WWOX: variants seen among roughly 807,000 people sequenced by gnomAD.
WWOX encodes the protein WW domain containing oxidoreductase.
In WWOX, 69 loss-of-function variants were observed where a neutral mutation model predicts 46.2. The observed-to-expected ratio is 1.49, with a 90% confidence interval of 1.23 to 1.82. The LOEUF (loss-of-function observed/expected upper bound fraction) is 1.82, where lower values mean the gene tolerates loss of function less well. Among genes scored for constraint, WWOX ranks in the 40% most tolerant of loss-of-function variants. WWOX has a pLI of 0.00. For synonymous variants in WWOX, 359 were observed against 202.6 expected, an observed-to-expected ratio of 1.77 and a Z score of -6.56; for missense variants, 919 against 542.6, an observed-to-expected ratio of 1.69 and a Z score of -6.89.
At chr16:79,182,728 A>G (rs540927916) in intron 8 of WWOX, among the ~76,000 whole-genome samples, 5 of 152,324 alleles carry the variant, frequency 3.3e-5, no homozygotes, top group African/African-American at 4.8e-5. Flanking sequence ...TGGGATAATT[A>G]TAGTTTTTAC....
chr16:78,930,093 C>G lies in WWOX; in HGVS notation c.1057-281515C>G, dbSNP rs553945003. On this transcript the variant is annotated intron_variant, in intron 8 of 8. Coordinates refer to ENST00000566780, the MANE Select transcript of WWOX (RefSeq NM_016373.4). ...AGCTTCTTGCCTTCTTCACACTCCT[C>G]CTTCCCTTCCTGCCGTCTGGGATGT... Among the ~76,000 whole-genome samples, 472 of 152,174 alleles carry G rather than the reference C, an allele frequency of 3.1e-3. 1 individual carries two copies. The highest frequency in any genetic ancestry group is 0.011 in the African/African-American group (439 of 41,520).
At chr16:78,887,714 G>T (rs891046613) in intron 8 of WWOX, among the ~76,000 whole-genome samples, 3 of 152,300 alleles carry the variant, frequency 2.0e-5, no homozygotes, top group East Asian at 3.9e-4. Flanking sequence ...TGGTTTTCCA[G>T]ATGTGACAAA....
At chr16:78,221,191 C>T (rs2036875444) in intron 5 of WWOX, among the ~76,000 whole-genome samples, 1 of 152,226 alleles carries the variant, frequency 6.6e-6, no homozygotes. Context: ...CTAATGTCCT[C>T]TGTATTAATT....
intron 8 of WWOX, among the ~76,000 whole-genome samples, chr16:78,474,558 C>T (rs1370230524): frequency 2.0e-5 from 3 of 152,152 alleles, no homozygotes; most frequent in Admixed American, 2.0e-4. Flanking sequence ...CCGTAAACTG[C>T]ACTTTATTTT....
intron 8 of WWOX, among the ~76,000 whole-genome samples, chr16:79,108,967 C>T (rs562097659): frequency 6.6e-6 from 1 of 151,310 alleles, no homozygotes; most frequent in African/African-American, 2.4e-5. Context: ...ACTTGGTCAT[C>T]TGAGCAACAT....
intron 8 of WWOX, among the ~76,000 whole-genome samples, chr16:78,702,545 C>T (rs1325945077): frequency 2.0e-5 from 3 of 151,550 alleles, no homozygotes; most frequent in East Asian, 2.0e-4. Flanking sequence ...CAAATGCTTG[C>T]TCGGGAGGCT....
intron 8 of WWOX, among the ~76,000 whole-genome samples, chr16:78,723,338 G>A (rs72799093): frequency 0.15 from 22,340 of 152,090 alleles, 2,166 homozygotes; most frequent in Non-Finnish European, 0.21. Context: ...GTCTGTCAAC[G>A]TGGCTTTTGC....
chr16:78,861,806 T>C (rs571681318), intron 8 of WWOX, among the ~76,000 whole-genome samples: 67 of 152,252 alleles, frequency 4.4e-4, no homozygotes, highest in Non-Finnish European at 4.6e-4. Context: ...CCAGAAATTG[T>C]TGAAATAGGT....
At chr16:78,123,531 C>G (rs924853897) in intron 4 of WWOX, 7 of 135,854 alleles carry the variant, frequency 5.2e-5, no homozygotes, top group African/African-American at 1.9e-4. Context: ...ATTCTTGGCT[C>G]ACTGCAACCT....
chr16:78,752,790 T>G (rs1324605521), intron 8 of WWOX, among the ~76,000 whole-genome samples: 2 of 152,176 alleles, frequency 1.3e-5, no homozygotes, highest in Non-Finnish European at 2.9e-5. Context: ...TCCAATAAAT[T>G]TAATCACATA....
rs60553593 is a variant in WWOX at position 79,031,888 on chromosome 16, G to C, written c.1057-179720G>C. On this transcript the variant is annotated intron_variant, in intron 8 of 8. Transcript: ENST00000566780. ...GATAGATATCTATATACAGATATCT[G>C]TATACAGATATCTATATATATAGAT... 6.2e-3 allele frequency among the ~76,000 whole-genome samples: 413 copies of C among 67,070 alleles called. 3 individuals carry two copies. Among genetic ancestry groups the C allele is most frequent in the African/African-American group, 0.015 (386 of 25,788 alleles). The allele number at this position is 67,070 out of a possible 152,430, so 44.0% of individuals were successfully genotyped here. A position where few individuals can be genotyped will look rare whatever the true frequency, so the allele number is the denominator to read the frequency against.
chr16:79,076,246 G>A (rs761735695), intron 8 of WWOX, among the ~76,000 whole-genome samples: 8 of 152,164 alleles, frequency 5.3e-5, no homozygotes, highest in South Asian at 2.1e-4. Context: ...ACACAGTGTC[G>A]TGTTTGCTCC....
At chr16:78,797,880 C>G (rs981688693) in intron 8 of WWOX, among the ~76,000 whole-genome samples, 6 of 152,118 alleles carry the variant, frequency 3.9e-5, no homozygotes, top group Admixed American at 3.9e-4. Flanking sequence ...CCTAGCTACT[C>G]AAGAGGCTGA....
intron 8 of WWOX, among the ~76,000 whole-genome samples, chr16:78,783,152 A>G (rs1302378904): frequency 6.6e-6 from 1 of 152,216 alleles, no homozygotes; most frequent in Admixed American, 6.5e-5. Context: ...GCACATCTCC[A>G]TCATTTATAA....
chr16:78,963,001 A>G (rs2046300162), intron 8 of WWOX, among the ~76,000 whole-genome samples: 1 of 152,136 alleles, frequency 6.6e-6, no homozygotes, highest in East Asian at 1.9e-4. Flanking sequence ...CTGCCATCCT[A>G]CCAACAGTTT....
chr16:78,892,979 T>C lies in WWOX; in HGVS notation c.1057-318629T>C, dbSNP rs141377470. 1.5e-3 allele frequency among the ~76,000 whole-genome samples: 222 copies of C among 152,266 alleles called. No homozygotes were observed. The East Asian group carries it at 0.03, about 21-fold the overall frequency. On this transcript the variant is annotated intron_variant, in intron 8 of 8. Transcript: ENST00000566780. The stretch of plus-strand genomic sequence containing the variant: ...GGTAGCTTAACAGTAATGCCTTGGA[T>C]TCCTTCCTTCAAGAGCGACAGCAGG...
rs189309862 is a variant in WWOX at position 78,287,165 on chromosome 16, A to G, written c.517-99695A>G. On this transcript the variant is annotated intron_variant, in intron 5 of 8. Transcript: ENST00000566780. Reference sequence around the variant, plus strand: ...ACTGGCAATCAACGCCATAAGGACAATAAAATAAAATACATTTCTCCACTT... The same window carrying G: ...ACTGGCAATCAACGCCATAAGGACAGTAAAATAAAATACATTTCTCCACTT... 2.7e-3 allele frequency among the ~76,000 whole-genome samples: 410 copies of G among 152,392 alleles called. 1 individual carries two copies. The highest frequency in any genetic ancestry group is 9.6e-3 in the African/African-American group (400 of 41,594).
At chr16:78,803,242 G>GTT (rs570602530) in intron 8 of WWOX, among the ~76,000 whole-genome samples, 49 of 145,100 alleles carry the variant, frequency 3.4e-4, no homozygotes, top group African/African-American at 1.1e-3. Context: ...AGAAGTGAGA[G>GTT]TTTTTTTTTT....
chr16:78,996,978 G>C (rs1340252900), intron 8 of WWOX, among the ~76,000 whole-genome samples: 1 of 152,172 alleles, frequency 6.6e-6, no homozygotes, highest in African/African-American at 2.4e-5. Context: ...GGATCTTTTC[G>C]CCTTGGCAGT....
Sources: allele counts gnomAD v4.1 joint callset (sites outside exome capture counted in the v4.1 genomes callset), GRCh38; gene constraint gnomAD v4.1.1; transcripts MANE v1.5; gene names NCBI Gene and HGNC (gene_info 2026-07-23, HGNC 2026-07-21).